KIF21A: variants seen among roughly 807,000 people sequenced by gnomAD.
The protein encoded by KIF21A is kinesin-like protein KIF21A.
Under a neutral mutation model 202.9 loss-of-function variants are expected in KIF21A, and 114 were observed. The ratio of observed to expected loss-of-function variants is 0.56; its 90% CI spans 0.48 to 0.66. The LOEUF is 0.66. Ranked by LOEUF, KIF21A falls within the 30% of genes least tolerant of loss-of-function variation. The pLI, the probability that KIF21A is intolerant of heterozygous loss-of-function variation, is 0.00. For missense variants in KIF21A, 1,677 were observed against 1,994.9 expected, an observed-to-expected ratio of 0.84 and a Z score of 3.04; for synonymous variants, 667 against 670.8, an observed-to-expected ratio of 0.99 and a Z score of 0.09.
rs148925326 is a variant in KIF21A, at chr12:39,376,380, G to T, written c.45-6119C>A. 8.5e-3 allele frequency among the ~76,000 whole-genome samples: 1,288 copies of T among 152,088 alleles called. 19 individuals are homozygous for T. Among genetic ancestry groups the T allele is most frequent in the African/African-American group, 0.029 (1,213 of 41,518 alleles). The stretch of plus-strand genomic sequence containing the variant: ...TAGGGTACAATAGGAGCCAAAATAA[G>T]AATTCTTATAATTTAATATTATTAT... On this transcript the variant is annotated intron_variant, in intron 1 of 37. Coordinates refer to ENST00000361418, the MANE Select transcript of KIF21A (RefSeq NM_001173464.2).
At chr12:39,367,855 T>TCTGTTTTAACTATAATATA (rs1207668682) in intron 4 of KIF21A, 28 bp downstream of exon 4, 3 of 1,580,826 alleles carry the variant, frequency 1.9e-6, no homozygotes. Flanking sequence ...CCAACTATGC[T>TCTGTTTTAACTATAATATA]CTGTTTTAAC....
chr12:39,298,659 G>A (rs1298026843), intron 37 of KIF21A, among the ~76,000 whole-genome samples: 2 of 152,070 alleles, frequency 1.3e-5, no homozygotes, highest in African/African-American at 2.4e-5. Context: ...GATAAACAAA[G>A]CCTGATACTC....
chr12:39,295,707 T>G lies in KIF21A; in HGVS notation c.4932-1190A>C, dbSNP rs1942256563. On this transcript the variant is annotated intron_variant, in intron 37 of 37. Transcript: ENST00000361418. ...CTTGGGATATGTTTTTTTTTTTTTT[T>G]TTTTTTTTTTTTGACAGAATCTCGC... Among the ~76,000 whole-genome samples the G allele has an allele frequency of 2.1e-5, 3 of 144,166 alleles. 1 individual carries two copies. Among genetic ancestry groups the G allele is most frequent in the African/African-American group, 5.2e-5 (2 of 38,626 alleles). The allele number at this position is 144,166 out of a possible 152,430, so 94.6% of individuals were successfully genotyped here.
intron 26 of KIF21A, among the ~76,000 whole-genome samples, chr12:39,325,394 C>T (rs559737570): frequency 1.3e-5 from 2 of 150,672 alleles, no homozygotes; most frequent in African/African-American, 2.5e-5. Context: ...TGCAGTTGCG[C>T]GATCTCGGTT....
rs183806375 is a variant in KIF21A at position 39,303,508 on chromosome 12, C to A, written c.4561-373G>T. 3.5e-3 allele frequency among the ~76,000 whole-genome samples: 534 copies of A among 152,248 alleles called. 1 individual carries two copies. Among genetic ancestry groups the A allele is most frequent in the Non-Finnish European group, 5.6e-3 (380 of 68,022 alleles). On this transcript the variant is annotated intron_variant, in intron 35 of 37. Transcript: ENST00000361418. The stretch of plus-strand genomic sequence containing the variant: ...GTTATTTGTTGTTATGTATGTTTTA[C>A]TAAGTTAATTAAATTAACCTGGCAT...
intron 1 of KIF21A, among the ~76,000 whole-genome samples, chr12:39,425,050 C>T (rs1383994542): frequency 2.0e-5 from 3 of 152,136 alleles, no homozygotes; most frequent in African/African-American, 7.2e-5. Flanking sequence ...CACCTGTCCA[C>T]TAACAGGCCA....
intron 1 of KIF21A, among the ~76,000 whole-genome samples, chr12:39,382,342 C>T (rs953266450): frequency 1.3e-5 from 2 of 152,064 alleles, no homozygotes; most frequent in African/African-American, 4.8e-5. Flanking sequence ...AAAATTCCTG[C>T]ACATGATAAG....
intron 1 of KIF21A, among the ~76,000 whole-genome samples, chr12:39,387,639 C>A (rs539509086): frequency 1.3e-5 from 2 of 152,102 alleles, no homozygotes; most frequent in African/African-American, 2.4e-5. Flanking sequence ...CCTACTTATA[C>A]AATGGATACA....
chr12:39,325,759 A>G, intron 26 of KIF21A, 80 bp downstream of exon 26: 2 of 997,250 alleles, frequency 2.0e-6, no homozygotes, highest in Non-Finnish European at 1.6e-6. Context: ...ATTAAGAGTC[A>G]AATCTGAACC....
chr12:39,320,070 G>A, intron 27 of KIF21A, 57 bp from the exon 28 acceptor site: 2 of 956,978 alleles, frequency 2.1e-6, no homozygotes, highest in Non-Finnish European at 3.3e-6. Context: ...ATACAACTTT[G>A]GTAGATAGTC....
At chr12:39,323,531 C>T (rs965333287) in intron 26 of KIF21A, among the ~76,000 whole-genome samples, 9 of 152,232 alleles carry the variant, frequency 5.9e-5, no homozygotes, top group African/African-American at 2.2e-4. Context: ...CAGCTTTGGG[C>T]AGCCTTCTGA....
chr12:39,349,384 G>A (rs551580221), intron 11 of KIF21A, among the ~76,000 whole-genome samples: 35 of 152,126 alleles, frequency 2.3e-4, no homozygotes, highest in African/African-American at 7.9e-4. Context: ...TATGTGTAAG[G>A]TTGAGGTAGA....
rs901532696 is a variant in KIF21A at position 39,332,199 on chromosome 12, T to A, written c.3051+15A>T. 6.2e-7 allele frequency: 1 copy of A among 1,610,658 alleles called. No homozygotes were observed. Among genetic ancestry groups the A allele is most frequent in the East Asian group, 2.2e-5 (1 of 44,826 alleles). ...CTTTTCATTAAACCATTACGCTTTTTTAAAAATTACAAACCTTTGCTTCTT... is the reference window on the plus strand; with the variant it reads ...CTTTTCATTAAACCATTACGCTTTTATAAAAATTACAAACCTTTGCTTCTT... On this transcript the variant is annotated intron_variant, in intron 21 of 37. Coordinates refer to ENST00000361418, the MANE Select transcript of KIF21A (RefSeq NM_001173464.2).
At chr12:39,373,824 C>T (rs1950109805) in intron 1 of KIF21A, among the ~76,000 whole-genome samples, 1 of 152,138 alleles carries the variant, frequency 6.6e-6, no homozygotes, top group South Asian at 2.1e-4. Context: ...ATGATTCTTG[C>T]TAATGGCAAG....
chr12:39,365,284 C>T (rs969055587), intron 6 of KIF21A, among the ~76,000 whole-genome samples: 3 of 152,190 alleles, frequency 2.0e-5, no homozygotes, highest in African/African-American at 7.2e-5. Flanking sequence ...TAAACTTTTT[C>T]TCTATTGCAA....
At chr12:39,416,631 G>GTATATATATATATGTACA (rs1566264504) in intron 1 of KIF21A, among the ~76,000 whole-genome samples, 1 of 114,940 alleles carries the variant, frequency 8.7e-6, no homozygotes, top group Non-Finnish European at 1.8e-5. Flanking sequence ...ATATATATGT[G>GTATATATATATATGTACA]TATATATATA....
chr12:39,395,776 A>G (rs1428066575), intron 1 of KIF21A, among the ~76,000 whole-genome samples: 2 of 145,454 alleles, frequency 1.4e-5, no homozygotes, highest in Non-Finnish European at 3.0e-5. Flanking sequence ...CGGGAGGTGG[A>G]GGTTGCAGTG....
At position 39,367,997 on chromosome 12, in the gene KIF21A, G is replaced by A; in HGVS notation, c.486C>T (p.Thr162=). The change falls in exon 4 of 38, where the codon ACC becomes ACT. Residue 162 remains threonine (T), a synonymous_variant. Transcript: ENST00000361418. ...YNEEVLDLFD[T]TRDIDAKSKK... ...TACTTTTTGCATCAATATCACGAGT[G>A]GTATCAAATAAGTCAAGGACCTCTT... 6.3e-7 allele frequency: 1 copy of A among 1,597,776 alleles called. No homozygotes were observed. Among genetic ancestry groups the A allele is most frequent in the Non-Finnish European group, 8.6e-7 (1 of 1,166,594 alleles).
intron 7 of KIF21A, among the ~76,000 whole-genome samples, chr12:39,359,485 C>T (rs1479402725): frequency 1.3e-5 from 2 of 152,150 alleles, no homozygotes; most frequent in Admixed American, 1.3e-4. Context: ...AAACATATAA[C>T]ACAACATTTG....
Sources: allele counts gnomAD v4.1 joint callset (sites outside exome capture counted in the v4.1 genomes callset), GRCh38; gene constraint gnomAD v4.1.1; transcripts MANE v1.5; gene names NCBI Gene and HGNC (gene_info 2026-07-23, HGNC 2026-07-21).